Variants in ENPP6 observed in about 807,000 individuals in gnomAD.
ENPP6 encodes glycerophosphocholine cholinephosphodiesterase ENPP6.
In ENPP6, 32 loss-of-function variants were observed where a neutral mutation model predicts 42.0. The ratio of observed to expected loss-of-function variants is 0.76; its 90% CI spans 0.58 to 1.02. The LOEUF (loss-of-function observed/expected upper bound fraction) is 1.02. ENPP6 is among the 50% of genes least tolerant of loss of function. The pLI is 0.00. For missense variants in ENPP6, 552 were observed against 566.8 expected, an observed-to-expected ratio of 0.97 and a Z score of 0.27; for synonymous variants, 213 against 216.0, an observed-to-expected ratio of 0.99 and a Z score of 0.12.
chr4:184,214,632 C>T (rs1225078615), intron 1 of ENPP6, among the ~76,000 whole-genome samples: 1 of 152,156 alleles, frequency 6.6e-6, no homozygotes, highest in Admixed American at 6.5e-5. Context: ...ACATATACAC[C>T]ATGGAATACT....
At chr4:184,106,345 C>T (rs545480123) in intron 6 of ENPP6, among the ~76,000 whole-genome samples, 121 of 152,174 alleles carry the variant, frequency 8.0e-4, no homozygotes, top group African/African-American at 2.7e-3. Context: ...ACAAAAATAC[C>T]AAGTCTTAAA....
intron 2 of ENPP6, among the ~76,000 whole-genome samples, chr4:184,139,224 C>T (rs1736779655): frequency 6.6e-6 from 1 of 152,124 alleles, no homozygotes; most frequent in Non-Finnish European, 1.5e-5. Context: ...ACTGGCTAGG[C>T]AACGGCCAGC....
chr4:184,187,862 A>C (rs552144395), intron 1 of ENPP6, among the ~76,000 whole-genome samples: 1 of 152,346 alleles, frequency 6.6e-6, no homozygotes, highest in South Asian at 2.1e-4. Context: ...TGAATAAATG[A>C]ATGAATAGAC....
chr4:184,110,599 C>G (rs904855171), intron 6 of ENPP6, among the ~76,000 whole-genome samples: 2 of 152,132 alleles, frequency 1.3e-5, no homozygotes, highest in African/African-American at 2.4e-5. Context: ...CAAACAGAAC[C>G]CACGCCCTTT....
At chr4:184,214,235 T>A (rs1733162048) in intron 1 of ENPP6, among the ~76,000 whole-genome samples, 2 of 149,520 alleles carry the variant, frequency 1.3e-5, no homozygotes, top group African/African-American at 2.5e-5. Flanking sequence ...AAACTTAAAG[T>A]ATAATAATAA....
chr4:184,113,687 T>G (rs1465147866), intron 5 of ENPP6, among the ~76,000 whole-genome samples: 1 of 152,234 alleles, frequency 6.6e-6, no homozygotes, highest in African/African-American at 2.4e-5. Flanking sequence ...CTATCCTGCC[T>G]GCATGTGAAT....
At chr4:184,100,492 G>C (rs913875475) in intron 6 of ENPP6, among the ~76,000 whole-genome samples, 1 of 152,146 alleles carries the variant, frequency 6.6e-6, no homozygotes, top group Non-Finnish European at 1.5e-5. Context: ...AGTGACATCC[G>C]GGGAGGCGCC....
chr4:184,217,578 C>A lies in ENPP6; in HGVS notation c.241+1G>T, dbSNP rs1460791365. ...TGCCCAGAAGAGGACATGGTACTCA[C>A]CAGTCATTAGGGTATAATAATTGGG... On this transcript the variant is annotated splice_donor_variant, in intron 1 of 7. Coordinates refer to ENST00000296741, the MANE Select transcript of ENPP6 (RefSeq NM_153343.4). LOFTEE classifies it high-confidence loss of function. The A allele has an allele frequency of 6.2e-7, 1 of 1,614,184 alleles. No homozygotes were observed. The highest frequency in any genetic ancestry group is 1.1e-5 in the South Asian group (1 of 91,088).
chr4:184,210,399 A>G (rs528311090), intron 1 of ENPP6, among the ~76,000 whole-genome samples: 394 of 111,334 alleles, frequency 3.5e-3, no homozygotes, highest in Non-Finnish European at 5.5e-3. Context: ...AAGATCTACC[A>G]AGCAAATGGA....
chr4:184,124,325 G>T, intron 2 of ENPP6, 53 bp from the exon 3 acceptor site: 1 of 1,341,928 alleles, frequency 7.5e-7, no homozygotes, highest in Non-Finnish European at 1.1e-6. Context: ...GTAATGTCGA[G>T]TTATGAGCCT....
intron 2 of ENPP6, among the ~76,000 whole-genome samples, chr4:184,139,799 A>G (rs1466813085): frequency 1.4e-5 from 1 of 73,820 alleles, no homozygotes; most frequent in African/African-American, 5.7e-5. Context: ...GCTATTGTGA[A>G]TAATGCCGCA....
intron 2 of ENPP6, among the ~76,000 whole-genome samples, chr4:184,136,421 C>A (rs1362723974): frequency 6.6e-6 from 1 of 152,030 alleles, no homozygotes; most frequent in South Asian, 2.1e-4. Flanking sequence ...ACACACTCAG[C>A]CTTTCTATTA....
At chr4:184,170,989 C>A (rs1366526625) in intron 1 of ENPP6, among the ~76,000 whole-genome samples, 1 of 152,174 alleles carries the variant, frequency 6.6e-6, no homozygotes, top group East Asian at 1.9e-4. Context: ...GGACTGTATA[C>A]CCCTTACATT....
At chr4:184,157,208 T>C (rs1157081466) in intron 1 of ENPP6, among the ~76,000 whole-genome samples, 1 of 152,222 alleles carries the variant, frequency 6.6e-6, no homozygotes, top group Non-Finnish European at 1.5e-5. Flanking sequence ...ATGTTTCTTC[T>C]TAGTAGTTTT....
intron 7 of ENPP6, among the ~76,000 whole-genome samples, chr4:184,093,455 A>T (rs1735842037): frequency 6.6e-6 from 1 of 151,848 alleles, no homozygotes; most frequent in Non-Finnish European, 1.5e-5. Flanking sequence ...CCTGGCCAAC[A>T]TGGTGAAACC....
At chr4:184,098,227 G>A (rs1735944461) in intron 6 of ENPP6, among the ~76,000 whole-genome samples, 1 of 152,206 alleles carries the variant, frequency 6.6e-6, no homozygotes, top group African/African-American at 2.4e-5. Context: ...GCAGGTGCCG[G>A]CAGCCTGGGG....
intron 1 of ENPP6, among the ~76,000 whole-genome samples, chr4:184,182,164 GA>G (rs796142730): frequency 0.016 from 2,262 of 137,704 alleles, 25 homozygotes; most frequent in African/African-American, 0.032. Context: ...AAATCTACAA[GA>G]AAAAAAAAAA....
intron 1 of ENPP6, among the ~76,000 whole-genome samples, chr4:184,159,341 T>C (rs1393182350): frequency 6.6e-6 from 1 of 152,164 alleles, no homozygotes; most frequent in Non-Finnish European, 1.5e-5. Flanking sequence ...ACTATATGGG[T>C]TTATCAGTGG....
chr4:184,092,796 T>C (rs1735831518), intron 7 of ENPP6, among the ~76,000 whole-genome samples: 1 of 152,218 alleles, frequency 6.6e-6, no homozygotes, highest in Admixed American at 6.5e-5. Flanking sequence ...AAATGAGTTG[T>C]TTGGGGGCCG....
Sources: allele counts gnomAD v4.1 joint callset (sites outside exome capture counted in the v4.1 genomes callset), GRCh38; gene constraint gnomAD v4.1.1; transcripts MANE v1.5; gene names NCBI Gene and HGNC (gene_info 2026-07-23, HGNC 2026-07-21).